WDR27: variants seen among roughly 807,000 people sequenced by gnomAD.
WDR27 encodes the protein WD repeat-containing protein 27.
A neutral mutation model predicts 114.4 loss-of-function variants in WDR27; 100 were observed. The observed-to-expected ratio is 0.87, with a 90% CI of 0.74 to 1.03. The LOEUF (loss-of-function observed/expected upper bound fraction) is 1.03, where lower values mean the gene tolerates loss of function less well. WDR27 is among the 50% of genes least tolerant of loss of function. The probability of loss-of-function intolerance (pLI) is 0.00; values close to 1 mark genes in which losing one functional copy is unlikely to be tolerated. For missense variants in WDR27, 1,129 were observed against 1,092.9 expected (o/e 1.03, Z -0.47); for synonymous variants, 449 against 423.1 (o/e 1.06, Z -0.75).
intron 16 of WDR27, among the ~76,000 whole-genome samples, chr6:169,645,036 T>TAAAAAAAAAAA (rs369797685): frequency 6.0e-4 from 46 of 76,936 alleles, no homozygotes; most frequent in South Asian, 8.5e-4. Flanking sequence ...AAAAAAAAAA[T>TAAAAAAAAAAA]AAAAAAAAAA....
In WDR27 at chr6:169,651,911, T is replaced by C. The variant is rs768403990; in HGVS notation, c.1481+19A>G. On this transcript the variant is annotated intron_variant, in intron 14 of 25. Coordinates refer to ENST00000448612, the MANE Select transcript of WDR27 (RefSeq NM_182552.5). ...GACGCAGGTGCATTTCTGTCTCTCA[T>C]TGACATGAGTTCACTCACTGTGGTG... 1.1e-5 allele frequency: 17 copies of C among 1,608,286 alleles called. No individual in the cohort carries two copies. Among genetic ancestry groups the C allele is most frequent in the East Asian group, 2.2e-5 (1 of 44,872 alleles).
intron 21 of WDR27, among the ~76,000 whole-genome samples, chr6:169,618,489 A>G (rs1812378416): frequency 6.6e-6 from 1 of 152,144 alleles, no homozygotes; most frequent in African/African-American, 2.4e-5. Flanking sequence ...TATGACCATC[A>G]CTTTTTGATG....
chr6:169,458,817 AAAC>A (rs1386138012), intron 25 of WDR27, among the ~76,000 whole-genome samples: 1 of 152,028 alleles, frequency 6.6e-6, no homozygotes, highest in East Asian at 1.9e-4. Flanking sequence ...AAGGAAAAGA[AAAC>A]AAAAGAAAGT....
At chr6:169,677,557 A>G (rs1199378294) in intron 2 of WDR27, among the ~76,000 whole-genome samples, 1 of 152,260 alleles carries the variant, frequency 6.6e-6, no homozygotes, top group Non-Finnish European at 1.5e-5. Flanking sequence ...GGCAAAAAGT[A>G]ACTGTTTTTG....
chr6:169,625,573 C>G (rs1160064210), intron 21 of WDR27, among the ~76,000 whole-genome samples: 2 of 152,200 alleles, frequency 1.3e-5, no homozygotes, highest in African/African-American at 2.4e-5. Flanking sequence ...GGACCAGGCC[C>G]GACGGGGTCA....
chr6:169,436,913 G>C, the WDR27 span, among the ~76,000 whole-genome samples: 2 of 151,918 alleles, frequency 1.3e-5, no homozygotes, highest in African/African-American at 4.8e-5. Context: ...TTGGTCCCGA[G>C]ATAAAAATAC....
the WDR27 span, among the ~76,000 whole-genome samples, chr6:169,451,149 G>A: frequency 1.3e-5 from 2 of 152,052 alleles, no homozygotes; most frequent in African/African-American, 4.8e-5. Context: ...TGCTTCCTCC[G>A]CCCTGTTGTT....
rs1781206797 is a variant in WDR27, at chr6:169,680,446, G to A, written c.190-8050C>T. Among the ~76,000 whole-genome samples the A allele has an allele frequency of 2.0e-5, 3 of 152,300 alleles. No individual in the cohort carries two copies. The South Asian group carries it at 6.2e-4, about 32-fold the overall frequency. ...AAATACAAAAAATTAGCGGGGCTTG[G>A]TGATGGCCGCCTGTAGTCCCAGCTA... On this transcript the variant is annotated intron_variant, in intron 2 of 25. Transcript: ENST00000448612.
chr6:169,666,686 C>G, intron 6 of WDR27: 1 of 986,818 alleles, frequency 1.0e-6, no homozygotes, highest in Non-Finnish European at 1.2e-6. Flanking sequence ...GGGAAGAACG[C>G]AAGGACCCTG....
chr6:169,618,377 A>G (rs1363652119), intron 21 of WDR27, among the ~76,000 whole-genome samples: 2 of 152,138 alleles, frequency 1.3e-5, no homozygotes, highest in African/African-American at 4.8e-5. Flanking sequence ...TAAAGTATCT[A>G]CACCTGCTAG....
At chr6:169,662,559 G>A in intron 8 of WDR27, 135 bp from the exon 9 acceptor site, 1 of 1,169,058 alleles carries the variant, frequency 8.6e-7, no homozygotes, top group East Asian at 2.6e-5. Flanking sequence ...GTCGAGGAAA[G>A]CACTAAGGTA....
chr6:169,669,792 A>G (rs1182345248), intron 4 of WDR27: 1 of 152,194 alleles, frequency 6.6e-6, no homozygotes, highest in African/African-American at 2.4e-5. Context: ...CCTTAATTTC[A>G]TAATTAGTCC....
chr6:169,625,173 A>C (rs1402195554), intron 21 of WDR27, among the ~76,000 whole-genome samples: 1 of 152,240 alleles, frequency 6.6e-6, no homozygotes, highest in Non-Finnish European at 1.5e-5. Flanking sequence ...CTGAAAAAGG[A>C]AGGCAGATCC....
rs987416690 is a variant in WDR27, at chr6:169,577,342, C to T, written c.2524-4802G>A. Among the ~76,000 whole-genome samples the T allele has an allele frequency of 7.2e-4, 92 of 126,918 alleles. 2 individuals carry two copies. Among genetic ancestry groups the T allele is most frequent in the Non-Finnish European group, 8.4e-4 (48 of 56,868 alleles). 83.3% of individuals were successfully genotyped at this position (126,918 alleles called of 152,430 possible). ...CCGCGCCGAGCCAGGAATGGCGCCC[C>T]CCGATGTCCACACCACGGTCCGGGC... On this transcript the variant is annotated intron_variant, in intron 24 of 25. Coordinates refer to ENST00000448612, the MANE Select transcript of WDR27 (RefSeq NM_182552.5).
At chr6:169,476,322 G>T (rs1366419747) in intron 25 of WDR27, among the ~76,000 whole-genome samples, 1 of 152,220 alleles carries the variant, frequency 6.6e-6, no homozygotes, top group Non-Finnish European at 1.5e-5. Context: ...TGCTCTCCCA[G>T]GGTCGATTGT....
At position 169,573,619 on chromosome 6, in the gene WDR27, T is replaced by C. The variant is rs117873994; in HGVS notation, c.2524-1079A>G. On this transcript the variant is annotated intron_variant, in intron 24 of 25. Coordinates refer to ENST00000448612, the MANE Select transcript of WDR27 (RefSeq NM_182552.5). ...ACTGTAACTATTTTACAACTGACAA[T>C]AGAAAATTGATGATTGCGATAGTAA... is the stretch of plus-strand genomic sequence containing the variant. Among the ~76,000 whole-genome samples the C allele has an allele frequency of 2.2e-3, 331 of 152,320 alleles. 2 individuals carry two copies. The highest frequency in any genetic ancestry group is 3.9e-3 in the Admixed American group (59 of 15,308).
chr6:169,448,296 A>G, the WDR27 span, among the ~76,000 whole-genome samples: 1 of 148,516 alleles, frequency 6.7e-6, no homozygotes, highest in South Asian at 2.1e-4. Context: ...CTTTTTTCTT[A>G]TCACCACCAT....
intron 2 of WDR27, among the ~76,000 whole-genome samples, chr6:169,687,385 T>G (rs182354078): frequency 1.3e-5 from 2 of 151,786 alleles, no homozygotes; most frequent in Non-Finnish European, 2.9e-5. Context: ...TTCAAATCAA[T>G]AGAAAAAAGA....
rs115187773 is a variant in WDR27 at position 169,638,824 on chromosome 6, C to T, written c.1748-164G>A. Among the ~76,000 whole-genome samples, 405 of 152,366 alleles carry T rather than the reference C, an allele frequency of 2.7e-3. 2 individuals carry two copies. The highest frequency in any genetic ancestry group is 9.4e-3 in the African/African-American group (390 of 41,590). ...CCTCGCCACAGTGAGGCTGCAGAGC[C>T]TGAGGCAGGGTGCACCATCTCCCTT... On this transcript the variant is annotated intron_variant, in intron 17 of 25. Coordinates refer to ENST00000448612, the MANE Select transcript of WDR27 (RefSeq NM_182552.5).
Sources: gnomAD v4.1 joint callset for allele counts (sites outside exome capture counted in the v4.1 genomes callset) on GRCh38, gnomAD v4.1.1 for gene constraint, MANE v1.5 for transcripts, NCBI Gene and HGNC (gene_info 2026-07-23, HGNC 2026-07-21) for gene names.